SLC2A12: variants seen among roughly 807,000 people sequenced by gnomAD.
The protein encoded by SLC2A12 is solute carrier family 2, facilitated glucose transporter member 12.
A neutral mutation model predicts 41.8 loss-of-function variants in SLC2A12; 23 were observed. That is an observed-to-expected ratio of 0.55 (90% CI 0.40 to 0.78). The LOEUF (loss-of-function observed/expected upper bound fraction) is 0.78, where lower values mean the gene tolerates loss of function less well. SLC2A12 is among the 30% of genes least tolerant of loss of function. The probability of loss-of-function intolerance (pLI) is 0.00; values close to 1 mark genes in which losing one functional copy is unlikely to be tolerated. For missense variants in SLC2A12, 654 were observed against 745.6 expected (o/e 0.88, Z 1.43); for synonymous variants, 295 against 285.9 (o/e 1.03, Z -0.32).
At position 134,052,537 on chromosome 6, in the gene SLC2A12, C is replaced by T. The variant is rs1296383955; in HGVS notation, c.-57G>A. ...CACCAAACCGCCCCGACCACCCCCG[C>T]TCCCAGGAGTGGTCACTTTCCCCAT... On this transcript the variant is annotated 5_prime_UTR_variant, in exon 1 of 5. Transcript: ENST00000275230. The T allele has an allele frequency of 3.6e-6, 5 of 1,372,178 alleles. No homozygotes were observed. Among genetic ancestry groups the T allele is most frequent in the Non-Finnish European group, 1.0e-6 (1 of 969,696 alleles). 85.0% of individuals were successfully genotyped at this position (1,372,178 alleles called of 1,614,324 possible). A position where few individuals can be genotyped will look rare whatever the true frequency, so the allele number is the denominator to read the frequency against.
intron 1 of SLC2A12, among the ~76,000 whole-genome samples, chr6:134,043,660 C>T (rs1777415588): frequency 6.6e-6 from 1 of 151,728 alleles, no homozygotes; most frequent in South Asian, 2.1e-4. Context: ...GGTGTGGTGG[C>T]ATGTGCCTGT....
intron 2 of SLC2A12, among the ~76,000 whole-genome samples, chr6:134,015,052 C>T (rs1776937333): frequency 6.6e-6 from 1 of 152,122 alleles, no homozygotes; most frequent in Admixed American, 6.6e-5. Context: ...ATTCACCATT[C>T]CCATCACCCT....
At chr6:134,007,669 C>A (rs1167856354) in intron 2 of SLC2A12, among the ~76,000 whole-genome samples, 1 of 152,082 alleles carries the variant, frequency 6.6e-6, no homozygotes, top group Non-Finnish European at 1.5e-5. Context: ...AATAAAGGAG[C>A]AAATTAACTT....
At chr6:134,005,766 T>C (rs1562192428) in intron 3 of SLC2A12, among the ~76,000 whole-genome samples, 1 of 150,768 alleles carries the variant, frequency 6.6e-6, no homozygotes, top group Non-Finnish European at 1.5e-5. Flanking sequence ...TTGTTATTAT[T>C]ACAAGCAATT....
chr6:134,034,774 G>A (rs988384949), intron 1 of SLC2A12, among the ~76,000 whole-genome samples: 1 of 152,174 alleles, frequency 6.6e-6, no homozygotes, highest in African/African-American at 2.4e-5. Context: ...CAGTGGTGAA[G>A]GACAGAGTAA....
At chr6:133,995,829 C>T (rs1416116010) in intron 4 of SLC2A12, among the ~76,000 whole-genome samples, 1 of 152,240 alleles carries the variant, frequency 6.6e-6, no homozygotes, top group Non-Finnish European at 1.5e-5. Context: ...TCTCTACCTA[C>T]TTCCTAACTC....
At chr6:134,037,112 C>A (rs1342808043) in intron 1 of SLC2A12, among the ~76,000 whole-genome samples, 2 of 149,596 alleles carry the variant, frequency 1.3e-5, no homozygotes, top group African/African-American at 4.9e-5. Context: ...GGGTCGTTTG[C>A]CTTCCTTCAC....
At chr6:134,035,739 T>C (rs1448650634) in intron 1 of SLC2A12, among the ~76,000 whole-genome samples, 1 of 152,236 alleles carries the variant, frequency 6.6e-6, no homozygotes, top group Non-Finnish European at 1.5e-5. Flanking sequence ...ACTGCGTTGC[T>C]AGAAGTTCAG....
At chr6:134,047,566 T>C (rs186955482) in intron 1 of SLC2A12, among the ~76,000 whole-genome samples, 19 of 152,226 alleles carry the variant, frequency 1.2e-4, no homozygotes, top group Admixed American at 1.1e-3. Flanking sequence ...TTTTGAGTTC[T>C]GTCTCTACCA....
intron 2 of SLC2A12, among the ~76,000 whole-genome samples, chr6:134,017,696 C>CA (rs1199689483): frequency 2.2e-4 from 34 of 151,468 alleles, no homozygotes; most frequent in East Asian, 1.9e-4. Context: ...ACTAAAAATA[C>CA]AAAAAAAATT....
At chr6:134,005,006 T>TA (rs1273484526) in intron 3 of SLC2A12, among the ~76,000 whole-genome samples, 2 of 152,166 alleles carry the variant, frequency 1.3e-5, no homozygotes, top group African/African-American at 2.4e-5. Flanking sequence ...CTATCGTTTT[T>TA]AAAAAAATAA....
At chr6:134,047,863 G>A (rs886754142) in intron 1 of SLC2A12, among the ~76,000 whole-genome samples, 3 of 152,200 alleles carry the variant, frequency 2.0e-5, no homozygotes, top group South Asian at 2.1e-4. Flanking sequence ...CCTCTTGGCC[G>A]GCTGCTCTCA....
intron 2 of SLC2A12, among the ~76,000 whole-genome samples, chr6:134,025,887 A>G (rs1354874284): frequency 1.3e-4 from 20 of 152,220 alleles, no homozygotes; most frequent in Admixed American, 1.3e-3. Flanking sequence ...TTTTCTGAAA[A>G]GGAGAACTCT....
intron 1 of SLC2A12, among the ~76,000 whole-genome samples, chr6:134,030,805 G>C (rs142632435): frequency 2.0e-5 from 3 of 152,302 alleles, no homozygotes; most frequent in Non-Finnish European, 4.4e-5. Flanking sequence ...ACTTCAAGTA[G>C]GGCCTTGTCG....
chr6:134,032,426 T>TA (rs1777223371), intron 1 of SLC2A12, among the ~76,000 whole-genome samples: 17 of 35,498 alleles, frequency 4.8e-4, no homozygotes, highest in South Asian at 1.8e-3. Flanking sequence ...ATATATATAT[T>TA]TATATATATA....
intron 2 of SLC2A12, among the ~76,000 whole-genome samples, chr6:134,027,203 A>T (rs138523530): frequency 6.6e-6 from 1 of 152,220 alleles, no homozygotes; most frequent in East Asian, 1.9e-4. Flanking sequence ...AAAATTCATC[A>T]CTCAATACAT....
intron 1 of SLC2A12, among the ~76,000 whole-genome samples, chr6:134,035,781 C>T (rs1160058335): frequency 6.6e-6 from 1 of 152,148 alleles, no homozygotes; most frequent in African/African-American, 2.4e-5. Flanking sequence ...CTCCAGTTTG[C>T]CTTTTGATGC....
At chr6:134,011,576 T>C (rs1454261302) in intron 2 of SLC2A12, among the ~76,000 whole-genome samples, 1 of 152,066 alleles carries the variant, frequency 6.6e-6, no homozygotes, top group Non-Finnish European at 1.5e-5. Context: ...TAAAATCAAA[T>C]TAAAAATATG....
At chr6:134,015,153 C>A (rs1053122271) in intron 2 of SLC2A12, among the ~76,000 whole-genome samples, 1 of 152,186 alleles carries the variant, frequency 6.6e-6, no homozygotes, top group Non-Finnish European at 1.5e-5. Flanking sequence ...AAGGGAAAAA[C>A]AAGATTTGAA....
Sources: gnomAD v4.1 joint callset for allele counts (sites outside exome capture counted in the v4.1 genomes callset) on GRCh38, gnomAD v4.1.1 for gene constraint, MANE v1.5 for transcripts, NCBI Gene and HGNC (gene_info 2026-07-23, HGNC 2026-07-21) for gene names.